TTC9: variants seen among roughly 807,000 people sequenced by gnomAD.
The protein encoded by TTC9 is tetratricopeptide repeat protein 9A.
TTC9 carries 13 observed loss-of-function variants against 22.9 expected under a neutral mutation model. The ratio of observed to expected loss-of-function variants is 0.57; its 90% CI spans 0.37 to 0.90. The LOEUF (loss-of-function observed/expected upper bound fraction) is 0.90, where lower values mean the gene tolerates loss of function less well. TTC9 is among the 40% of genes least tolerant of loss of function. The pLI is 0.01. For missense variants in TTC9, 280 were observed against 291.8 expected, an observed-to-expected ratio of 0.96 and a Z score of 0.29; for synonymous variants, 148 against 133.2, an observed-to-expected ratio of 1.11 and a Z score of -0.77.
rs77891733 is a variant in TTC9 at position 70,653,107 on chromosome 14, A to T, written c.406+10572A>T. ...CATGTGAGTAATAATAATGTACCAC[A>T]TAGGATTGTTATGGTGATTAAATTA... On this transcript the variant is annotated intron_variant, in intron 1 of 2. Coordinates refer to ENST00000256367, the MANE Select transcript of TTC9 (RefSeq NM_015351.2). Among the ~76,000 whole-genome samples the T allele has an allele frequency of 3.5e-4, 53 of 152,368 alleles. No homozygotes were observed. In the East Asian group the frequency reaches 0.01, roughly 29 times the overall value.
chr14:70,646,117 T>C (rs529133275), intron 1 of TTC9, among the ~76,000 whole-genome samples: 1 of 152,180 alleles, frequency 6.6e-6, no homozygotes, highest in Non-Finnish European at 1.5e-5. Flanking sequence ...CAGGTTGTGG[T>C]CTCTTCTGGC....
intron 1 of TTC9, among the ~76,000 whole-genome samples, chr14:70,651,878 G>A (rs1253256787): frequency 6.6e-6 from 1 of 151,956 alleles, no homozygotes; most frequent in Non-Finnish European, 1.5e-5. Flanking sequence ...CCGGAAGGAA[G>A]CTCAGTCATT....
chr14:70,671,258 T>C lies in TTC9; in HGVS notation c.*103T>C. 1.1e-6 allele frequency: 1 copy of C among 939,982 alleles called. No homozygotes were observed. The highest frequency in any genetic ancestry group is 1.6e-6 in the Non-Finnish European group (1 of 619,504). The allele number at this position is 939,982 out of a possible 1,614,324, so 58.2% of individuals were successfully genotyped here. A position where few individuals can be genotyped will look rare whatever the true frequency, so the allele number is the denominator to read the frequency against. On this transcript the variant is annotated 3_prime_UTR_variant, in exon 3 of 3. Transcript: ENST00000256367. ...GATTCTGTCCCTTTCTCCCCACTTC[T>C]TCTGGCTCCTCATTTTTCCTCCTGT...
chr14:70,664,723 C>T lies in TTC9; in HGVS notation c.407-2841C>T, dbSNP rs1886189908. On this transcript the variant is annotated intron_variant, in intron 1 of 2. Coordinates refer to ENST00000256367, the MANE Select transcript of TTC9 (RefSeq NM_015351.2). ...CAGCCTAGGCAATAGAGCGTGACTCCATTTAAAAAAAAAAAAAAAAAGAGT... is the reference window on the plus strand; with the variant it reads ...CAGCCTAGGCAATAGAGCGTGACTCTATTTAAAAAAAAAAAAAAAAAGAGT... 6.1e-5 allele frequency among the ~76,000 whole-genome samples: 4 copies of T among 65,088 alleles called. No individual in the cohort carries two copies. In the South Asian group the frequency reaches 1.5e-3, roughly 25 times the overall value. 42.7% of individuals were successfully genotyped at this position (65,088 alleles called of 152,430 possible). A position where few individuals can be genotyped will look rare whatever the true frequency, so the allele number is the denominator to read the frequency against.
chr14:70,642,867 C>T (rs1885844600), intron 1 of TTC9, among the ~76,000 whole-genome samples: 1 of 152,158 alleles, frequency 6.6e-6, no homozygotes, highest in African/African-American at 2.4e-5. Context: ...CGGGGTGGGC[C>T]CCCGCAGCCA....
rs1305266690 is a variant in TTC9 at position 70,642,093 on chromosome 14, G to C, written c.-37G>C. 9.4e-7 allele frequency: 1 copy of C among 1,060,746 alleles called. No homozygotes were observed. The highest frequency in any genetic ancestry group is 1.7e-5 in the African/African-American group (1 of 57,872). 65.7% of individuals were successfully genotyped at this position (1,060,746 alleles called of 1,614,324 possible). A position where few individuals can be genotyped will look rare whatever the true frequency, so the allele number is the denominator to read the frequency against. ...GCGGCGGCGGCGGCGGCGGCGGGCA[G>C]ATCGCGGCGCGCACCAGGCGCCGGG... On this transcript the variant is annotated 5_prime_UTR_variant, in exon 1 of 3. Transcript: ENST00000256367.
chr14:70,670,232 C>T (rs1204894933), intron 2 of TTC9, among the ~76,000 whole-genome samples: 3 of 152,252 alleles, frequency 2.0e-5, no homozygotes, highest in Admixed American at 2.0e-4. Context: ...TGGCATCTGA[C>T]TCAATCTCGC....
intron 1 of TTC9, among the ~76,000 whole-genome samples, chr14:70,644,257 C>G (rs80088192): frequency 0.013 from 1,971 of 152,300 alleles, 40 homozygotes; most frequent in African/African-American, 0.045. Flanking sequence ...CAGGCCAGCC[C>G]AGTCAGGGCG....
chr14:70,652,530 T>G (rs1460535031), intron 1 of TTC9, among the ~76,000 whole-genome samples: 1 of 152,236 alleles, frequency 6.6e-6, no homozygotes, highest in African/African-American at 2.4e-5. Context: ...ATCAGAAACC[T>G]GGCAATGCCA....
At chr14:70,658,391 A>G (rs1262825533) in intron 1 of TTC9, among the ~76,000 whole-genome samples, 1 of 152,252 alleles carries the variant, frequency 6.6e-6, no homozygotes, top group Non-Finnish European at 1.5e-5. Flanking sequence ...GACGCATTTC[A>G]TAAAGAACAG....
intron 2 of TTC9, 110 bp from the exon 3 acceptor site, chr14:70,670,966 G>A (rs1348400155): frequency 2.0e-6 from 2 of 1,008,262 alleles, no homozygotes; most frequent in Non-Finnish European, 2.9e-6. Flanking sequence ...GACCTTGGTT[G>A]AGTGAGCCTG....
intron 2 of TTC9, among the ~76,000 whole-genome samples, chr14:70,668,111 G>A (rs866463835): frequency 1.3e-5 from 2 of 152,190 alleles, no homozygotes; most frequent in South Asian, 4.1e-4. Context: ...CGCTACCCAT[G>A]AGGCGCTCAC....
At chr14:70,662,784 G>A (rs1174621864) in intron 1 of TTC9, among the ~76,000 whole-genome samples, 1 of 152,178 alleles carries the variant, frequency 6.6e-6, no homozygotes, top group East Asian at 1.9e-4. Context: ...TTAAAATACC[G>A]ATGCATGCCA....
chr14:70,656,039 G>A (rs1886060738), intron 1 of TTC9, among the ~76,000 whole-genome samples: 1 of 152,024 alleles, frequency 6.6e-6, no homozygotes, highest in Non-Finnish European at 1.5e-5. Context: ...ATCTACGTGT[G>A]TGCCTGCTAC....
rs1432419886 is a variant in TTC9 at position 70,674,369 on chromosome 14, GTATTCTTT to G, written c.*3216_*3223del. On this transcript the variant is annotated 3_prime_UTR_variant, in exon 3 of 3. Coordinates refer to ENST00000256367, the MANE Select transcript of TTC9 (RefSeq NM_015351.2). ...TAAGCTTACCACCCAAGACAAACGT[GTATTCTTT>G]TGAATATACCTTTTAGTTCTTTTTG... 6.6e-6 allele frequency: 1 copy of G among 152,176 alleles called. No individual in the cohort carries two copies. The highest frequency in any genetic ancestry group is 1.5e-5 in the Non-Finnish European group (1 of 68,024). 9.4% of individuals were successfully genotyped at this position (152,176 alleles called of 1,614,324 possible).
At chr14:70,652,406 A>G (rs1045768894) in intron 1 of TTC9, among the ~76,000 whole-genome samples, 4 of 152,172 alleles carry the variant, frequency 2.6e-5, no homozygotes, top group African/African-American at 7.2e-5. Context: ...ATTGAAGCCT[A>G]TGTAAAATAT....
At chr14:70,645,299 C>T (rs916302787) in intron 1 of TTC9, among the ~76,000 whole-genome samples, 1 of 152,084 alleles carries the variant, frequency 6.6e-6, no homozygotes, top group South Asian at 2.1e-4. Flanking sequence ...TTTTGTAAAA[C>T]ACTAAAACGT....
chr14:70,642,708 C>A (rs1189823259), intron 1 of TTC9, among the ~76,000 whole-genome samples, 173 bp downstream of exon 1: 1 of 152,252 alleles, frequency 6.6e-6, no homozygotes, highest in African/African-American at 2.4e-5. Context: ...TTATGCCTTT[C>A]AAAGGCCATA....
intron 1 of TTC9, among the ~76,000 whole-genome samples, chr14:70,666,389 T>G (rs1886215779): frequency 6.6e-6 from 1 of 152,174 alleles, no homozygotes. Flanking sequence ...GTGGCTTGTA[T>G]GAGCTGGTCA....
Sources: gnomAD v4.1 joint callset for allele counts (sites outside exome capture counted in the v4.1 genomes callset) on GRCh38, gnomAD v4.1.1 for gene constraint, MANE v1.5 for transcripts, NCBI Gene and HGNC (gene_info 2026-07-23, HGNC 2026-07-21) for gene names.